RRP12: variants seen among roughly 807,000 people sequenced by gnomAD.
RRP12 encodes ribosomal RNA processing 12 homolog.
Under a neutral mutation model 157.3 loss-of-function variants are expected in RRP12, and 78 were observed. That is an observed-to-expected ratio of 0.50 (90% CI 0.41 to 0.60). The LOEUF (loss-of-function observed/expected upper bound fraction) is 0.60, where lower values mean the gene tolerates loss of function less well. RRP12 is among the 20% of genes least tolerant of loss of function. RRP12 has a pLI of 0.00. For synonymous variants in RRP12, 726 were observed against 670.9 expected (o/e 1.08, Z -1.27); for missense variants, 1,521 against 1,679.9 (o/e 0.91, Z 1.65).
In RRP12 at chr10:97,385,967, G is replaced by C; in HGVS notation, c.1044C>G (p.Ala348=). The change falls in exon 9 of 34, where the codon GCC becomes GCG. Residue 348 remains alanine, a synonymous_variant. Transcript: ENST00000370992. The stretch of plus-strand genomic sequence containing the variant: ...GCCTGGCGTGGAAGAGGCTGTGAAA[G>C]GCCTGCATGGCACAGGCTGTCACCA... ...HVLVTACAMQ[A]FHSLFHARPG... 1 of 1,602,268 alleles carries C rather than the reference G, an allele frequency of 6.2e-7. No individual in the cohort carries two copies. Among genetic ancestry groups the C allele is most frequent in the Non-Finnish European group, 8.5e-7 (1 of 1,174,640 alleles).
intron 2 of RRP12, among the ~76,000 whole-genome samples, chr10:97,399,508 CAT>C (rs1491110031): frequency 6.6e-6 from 1 of 151,720 alleles, no homozygotes; most frequent in East Asian, 1.9e-4. Context: ...AGAATTTTGA[CAT>C]TTTTTATTTC....
At chr10:97,388,793 G>A (rs140741127) in intron 6 of RRP12, among the ~76,000 whole-genome samples, 169 bp from the exon 7 acceptor site, 111 of 152,318 alleles carry the variant, frequency 7.3e-4, no homozygotes, top group Middle Eastern at 6.8e-3. Context: ...ACAGAATCCT[G>A]AGCTGTGAAG....
chr10:97,387,389 A>G (rs1844664928), intron 8 of RRP12, among the ~76,000 whole-genome samples: 1 of 136,984 alleles, frequency 7.3e-6, no homozygotes. Context: ...GTTGGAGTGC[A>G]GTGGCATGAC....
At chr10:97,374,787 A>C (rs1202096590) in intron 15 of RRP12, among the ~76,000 whole-genome samples, 1 of 151,656 alleles carries the variant, frequency 6.6e-6, no homozygotes, top group Non-Finnish European at 1.5e-5. Context: ...AAAAAAAAAA[A>C]AACCATAGGG....
intron 29 of RRP12, chr10:97,365,828 A>G: frequency 2.9e-6 from 1 of 348,010 alleles, no homozygotes; most frequent in Non-Finnish European, 5.2e-6. Flanking sequence ...GAGGAGGAGG[A>G]GAAAAACAGA....
intron 24 of RRP12, 128 bp downstream of exon 24, chr10:97,370,039 G>A: frequency 1.5e-6 from 1 of 675,526 alleles, no homozygotes; most frequent in Non-Finnish European, 2.6e-6. Context: ...AGGCAAACTG[G>A]GCTGGGTGTG....
At chr10:97,392,959 G>A (rs1293550236) in intron 4 of RRP12, among the ~76,000 whole-genome samples, 3 of 151,760 alleles carry the variant, frequency 2.0e-5, no homozygotes, top group African/African-American at 7.3e-5. Context: ...CCAAAGTGCT[G>A]GGATTACAGG....
Position 97,373,113 on chromosome 10 carries a change from T to C in RRP12, c.2114A>G (p.Asp705Gly). ...NLYGQPVAAG[D>G]TPAPRRAVLE... ...CACAGCCCGGCGAGGGGCTGGAGTG[T>C]CCCCGGCTGCCACGGGCTGCCCATA... Residue 705 changes from aspartate to glycine, a missense_variant, in exon 18 of 34, where the codon GAC (aspartate) becomes GGC (glycine). Transcript: ENST00000370992. The C allele has an allele frequency of 6.2e-7, 1 of 1,614,050 alleles. No homozygotes were observed. Among genetic ancestry groups the C allele is most frequent in the Non-Finnish European group, 8.5e-7 (1 of 1,179,998 alleles).
chr10:97,360,755 T>A (rs1366764857), intron 30 of RRP12, 137 bp from the exon 31 acceptor site: 3 of 697,802 alleles, frequency 4.3e-6, no homozygotes, highest in Non-Finnish European at 7.8e-6. Context: ...CACTTACAGA[T>A]GGGGAAACTA....
Position 97,363,910 on chromosome 10 carries a change from C to G in RRP12, c.3518-7G>C, listed in dbSNP as rs747141284. 5.0e-6 allele frequency: 8 copies of G among 1,613,660 alleles called. No homozygotes were observed. In the Admixed American group the frequency reaches 1.3e-4, roughly 27 times the overall value. ...GCCATCTCTTCATCTTCGCCTGGAG[C>G]CAAAAAAGAGAGGCCCATGAGCGCT... On this transcript the variant is annotated splice_region_variant and splice_polypyrimidine_tract_variant and intron_variant, in intron 29 of 33. Transcript: ENST00000370992.
Position 97,379,194 on chromosome 10 carries a change from G to C in RRP12, c.1798+99C>G, listed in dbSNP as rs929284387. 2.2e-5 allele frequency: 31 copies of C among 1,385,346 alleles called. 1 individual carries two copies. The African/African-American group carries it at 3.6e-4, about 16-fold the overall frequency. 85.8% of individuals were successfully genotyped at this position (1,385,346 alleles called of 1,614,324 possible). A position where few individuals can be genotyped will look rare whatever the true frequency, so the allele number is the denominator to read the frequency against. On this transcript the variant is annotated intron_variant, in intron 15 of 33. Transcript: ENST00000370992. ...AGGGATGTTGCCAAACGTCTTGAAG[G>C]CTGGGTGTGTGGGACTCAGCACCCT... is the stretch of plus-strand genomic sequence containing the variant.
intron 10 of RRP12, among the ~76,000 whole-genome samples, chr10:97,384,211 G>C (rs1052361774): frequency 3.2e-5 from 4 of 123,662 alleles, no homozygotes; most frequent in African/African-American, 1.3e-4. Flanking sequence ...ATGGGGCTCT[G>C]AGCACCCCCA....
chr10:97,371,185 G>A, intron 20 of RRP12, 104 bp from the exon 21 acceptor site: 1 of 1,236,292 alleles, frequency 8.1e-7, no homozygotes, highest in Non-Finnish European at 1.1e-6. Flanking sequence ...AGGGGTCCGT[G>A]GGGGCTCATG....
intron 5 of RRP12, 36 bp from the exon 6 acceptor site, chr10:97,390,575 C>T: frequency 6.5e-7 from 1 of 1,546,482 alleles, no homozygotes. Flanking sequence ...TGCCACCAGC[C>T]TCGGCCAGGA....
In RRP12 at chr10:97,396,300, A is replaced by G. The variant is rs778402657; in HGVS notation, c.371T>C (p.Ile124Thr). The change falls in exon 3 of 34, where the codon ATC becomes ACC. Residue 124 changes from isoleucine to threonine, a missense_variant and splice_region_variant. Transcript: ENST00000370992. ...WESNSAAHKE[I>T]CAVLAAVTEV... ...AGTGACAGCAGCCAGAACAGCACAG[A>G]TCTGCACAGGAGGGAGAAAGCACTG... 6.2e-7 allele frequency: 1 copy of G among 1,613,322 alleles called. No homozygotes were observed. The highest frequency in any genetic ancestry group is 1.1e-5 in the South Asian group (1 of 91,074).
chr10:97,366,764 G>GCTCCTCCTCCTC lies in RRP12; in HGVS notation c.3181_3192dup (p.Glu1061_Glu1064dup), dbSNP rs28362479. The stretch of plus-strand genomic sequence containing the variant: ...CACCTGTCACCTTTGCCCTGGGCGG[G>GCTCCTCCTCCTC]CTCCTCCTCCTCCTCCTCCTCTTCT... On this transcript the variant is annotated inframe_insertion, in exon 27 of 34. Coordinates refer to ENST00000370992, the MANE Select transcript of RRP12 (RefSeq NM_015179.4). 1,703 of 1,603,420 alleles carry GCTCCTCCTCCTC rather than the reference G, an allele frequency of 1.1e-3. 13 individuals carry two copies. The East Asian group carries it at 0.03, about 29-fold the overall frequency.
chr10:97,372,970 G>A (rs2133052046), intron 18 of RRP12, 76 bp downstream of exon 18: 1 of 1,501,086 alleles, frequency 6.7e-7, no homozygotes, highest in East Asian at 2.4e-5. Flanking sequence ...GCCCTGGTGG[G>A]TAGGGTCTCG....
chr10:97,394,424 G>A (rs778340022), intron 3 of RRP12, among the ~76,000 whole-genome samples: 1 of 152,136 alleles, frequency 6.6e-6, no homozygotes, highest in Non-Finnish European at 1.5e-5. Context: ...TTGAGAGACA[G>A]GGTCTCCCAG....
chr10:97,383,886 A>G (rs1213304864), intron 10 of RRP12, among the ~76,000 whole-genome samples: 4 of 152,192 alleles, frequency 2.6e-5, no homozygotes, highest in African/African-American at 9.7e-5. Flanking sequence ...CTCGCAGCCC[A>G]CCTTGCTGTT....
Sources: gnomAD v4.1 joint callset for allele counts (sites outside exome capture counted in the v4.1 genomes callset) on GRCh38, gnomAD v4.1.1 for gene constraint, MANE v1.5 for transcripts, NCBI Gene and HGNC (gene_info 2026-07-23, HGNC 2026-07-21) for gene names.